The following SVIL variants were observed in gnomAD, a reference collection of about 807,000 sequenced individuals.
SVIL encodes the protein supervillin.
Under a neutral mutation model 240.4 loss-of-function variants are expected in SVIL, and 101 were observed. The ratio of observed to expected loss-of-function variants is 0.42; its 90% confidence interval spans 0.36 to 0.50. The LOEUF is 0.50. Among genes scored for constraint, SVIL ranks in the 20% least tolerant of loss-of-function variants. SVIL has a pLI of 0.01. For synonymous variants in SVIL, 999 were observed against 1,100.0 expected, an observed-to-expected ratio of 0.91 and a Z score of 1.82; for missense variants, 2,512 against 2,818.7, an observed-to-expected ratio of 0.89 and a Z score of 2.46.
At chr10:29,618,812 T>C (rs559239031) in intron 1 of SVIL, among the ~76,000 whole-genome samples, 1 of 152,180 alleles carries the variant, frequency 6.6e-6, no homozygotes, top group Admixed American at 6.5e-5. Flanking sequence ...CTCAAACTCC[T>C]GGACTCAGGG....
At chr10:29,557,220 C>G (rs527300765) in intron 3 of SVIL, among the ~76,000 whole-genome samples, 1 of 152,076 alleles carries the variant, frequency 6.6e-6, no homozygotes, top group African/African-American at 2.4e-5. Context: ...CTCAGCCTCG[C>G]GAGTAGGTGA....
At position 29,558,755 on chromosome 10, in the gene SVIL, C is replaced by T. The variant is rs559355237; in HGVS notation, c.-50-3647G>A. Among the ~76,000 whole-genome samples, 10 of 151,128 alleles carry T rather than the reference C, an allele frequency of 6.6e-5. No homozygotes were observed. In the East Asian group the frequency reaches 9.7e-4, roughly 15 times the overall value. Reference sequence around the variant, plus strand: ...TAGTGTGGCTAACATGATGAAACCCCGTCTCAACTAAAAATACAAAAAATT... The same window carrying T: ...TAGTGTGGCTAACATGATGAAACCCTGTCTCAACTAAAAATACAAAAAATT... On this transcript the variant is annotated intron_variant, in intron 3 of 37. Transcript: ENST00000355867.
At chr10:29,674,080 G>A (rs1160641311) in intron 2 of SVIL, among the ~76,000 whole-genome samples, 1 of 152,044 alleles carries the variant, frequency 6.6e-6, no homozygotes, top group Non-Finnish European at 1.5e-5. Flanking sequence ...CCTGTAATGA[G>A]AGCATTTTGG....
chr10:29,592,219 T>A (rs1240653383), intron 1 of SVIL, among the ~76,000 whole-genome samples: 3 of 152,158 alleles, frequency 2.0e-5, no homozygotes, highest in African/African-American at 7.2e-5. Context: ...GCCACTGCAC[T>A]CCAGCCTGGG....
chr10:29,518,457 T>C (rs965875857), intron 16 of SVIL, among the ~76,000 whole-genome samples: 12 of 152,178 alleles, frequency 7.9e-5, no homozygotes, highest in Admixed American at 7.2e-4. Context: ...GCATCAAACA[T>C]ATTCTAAAAA....
intron 2 of SVIL, among the ~76,000 whole-genome samples, chr10:29,674,240 G>T (rs1224712715): frequency 6.6e-6 from 1 of 152,088 alleles, no homozygotes; most frequent in Admixed American, 6.6e-5. Context: ...GAAGCCAAGT[G>T]GGGAGGATCA....
upstream of SVIL, among the ~76,000 whole-genome samples, chr10:29,736,367 C>G (rs968844265): frequency 6.6e-6 from 1 of 152,228 alleles, no homozygotes; most frequent in Non-Finnish European, 1.5e-5. Context: ...GCAGTCACGC[C>G]CCCCCGGTCC....
At chr10:29,620,178 C>A (rs1411084759) in intron 1 of SVIL, among the ~76,000 whole-genome samples, 1 of 151,710 alleles carries the variant, frequency 6.6e-6, no homozygotes, top group East Asian at 1.9e-4. Context: ...TAAAATCAGT[C>A]AAACTTACAG....
At chr10:29,550,074 A>T (rs1467941484) in intron 6 of SVIL, among the ~76,000 whole-genome samples, 2 of 150,874 alleles carry the variant, frequency 1.3e-5, no homozygotes, top group Non-Finnish European at 3.0e-5. Flanking sequence ...AAAAAAACAT[A>T]AGAAACGCAC....
At chr10:29,585,719 CAGCAGCTT>C (rs1956138390) in intron 1 of SVIL, among the ~76,000 whole-genome samples, 1 of 152,206 alleles carries the variant, frequency 6.6e-6, no homozygotes, top group Non-Finnish European at 1.5e-5. Context: ...TGTTCTCATG[CAGCAGCTT>C]ATGAGCCCTG....
chr10:29,458,236 C>T lies in SVIL; in HGVS notation c.*11G>A, dbSNP rs192792463. On this transcript the variant is annotated 3_prime_UTR_variant, in exon 38 of 38. Transcript: ENST00000355867. Reference sequence around the variant, plus strand: ...GGACGTGACCGTGAGGCTCCTCTGGCGTCTCCCCACTCAGAACAGGCCTTT... The same window carrying T: ...GGACGTGACCGTGAGGCTCCTCTGGTGTCTCCCCACTCAGAACAGGCCTTT... The T allele has an allele frequency of 1.5e-4, 247 of 1,613,820 alleles. No individual in the cohort carries two copies. The highest frequency in any genetic ancestry group is 2.0e-4 in the Non-Finnish European group (232 of 1,179,830).
chr10:29,493,584 A>G lies in SVIL; in HGVS notation c.3842-193T>C, dbSNP rs564953530. 6.4e-4 allele frequency among the ~76,000 whole-genome samples: 98 copies of G among 152,330 alleles called. 1 individual carries two copies. Among genetic ancestry groups the G allele is most frequent in the Non-Finnish European group, 1.8e-4 (12 of 68,042 alleles). ...TGACGTAAGGACTTCCCACCTGAAC[A>G]AATCTGCAGTAAAATGGGAGAGAGG... is the stretch of plus-strand genomic sequence containing the variant. On this transcript the variant is annotated intron_variant, in intron 20 of 37. Transcript: ENST00000355867.
chr10:29,681,407 G>GTT (rs1491298291), intron 2 of SVIL, among the ~76,000 whole-genome samples: 3 of 462 alleles, frequency 6.5e-3, no homozygotes, highest in Non-Finnish European at 0.029. Context: ...AGATGGAATG[G>GTT]TGTGTGTGTG....
intron 22 of SVIL, among the ~76,000 whole-genome samples, chr10:29,490,172 C>T (rs2132395341): frequency 6.6e-6 from 1 of 152,230 alleles, no homozygotes; most frequent in East Asian, 1.9e-4. Flanking sequence ...CTCCAGCCCA[C>T]ATCCCAACTC....
Position 29,480,784 on chromosome 10 carries a change from G to A in SVIL, c.5130C>T (p.Tyr1710=), listed in dbSNP as rs772444189. The change falls in exon 29 of 38, where the codon TAC becomes TAT. Residue 1710 remains tyrosine (Y), a synonymous_variant. Coordinates refer to ENST00000355867, the MANE Select transcript of SVIL (RefSeq NM_021738.3). Reference sequence around the variant, plus strand: ...GCATGGACACCATCCGTGTCACATCGTATGCCTTGACATCAGTCCTGGGGT... The same window carrying A: ...GCATGGACACCATCCGTGTCACATCATATGCCTTGACATCAGTCCTGGGGT... ...KEDPRTDVKA[Y]DVTRMVSMPQ... The A allele has an allele frequency of 1.5e-5, 24 of 1,612,050 alleles. No individual in the cohort carries two copies. The highest frequency in any genetic ancestry group is 2.2e-5 in the East Asian group (1 of 44,890).
At chr10:29,669,015 G>T (rs767614847) in intron 2 of SVIL, among the ~76,000 whole-genome samples, 60 of 152,156 alleles carry the variant, frequency 3.9e-4, no homozygotes, top group Non-Finnish European at 7.5e-4. Flanking sequence ...CTGTCTCTAT[G>T]GAGCTCACAT....
intron 12 of SVIL, 150 bp downstream of exon 12, chr10:29,529,555 C>A (rs1488000516): frequency 1.2e-6 from 1 of 855,340 alleles, no homozygotes; most frequent in Non-Finnish European, 1.6e-6. Context: ...TTAGAGAGAC[C>A]ACAGTAAACA....
intron 16 of SVIL, among the ~76,000 whole-genome samples, chr10:29,517,072 A>G (rs1950252212): frequency 6.6e-6 from 1 of 152,088 alleles, no homozygotes; most frequent in South Asian, 2.1e-4. Context: ...CAAGTTGGAG[A>G]AGTGAATGAA....
upstream of SVIL, among the ~76,000 whole-genome samples, chr10:29,636,036 C>T (rs1958298574): frequency 6.6e-6 from 1 of 151,946 alleles, no homozygotes; most frequent in Non-Finnish European, 1.5e-5. Context: ...GAAAAGATGA[C>T]AGGTATAATA....
Sources: gnomAD v4.1 joint callset for allele counts (sites outside exome capture counted in the v4.1 genomes callset) on GRCh38, gnomAD v4.1.1 for gene constraint, MANE v1.5 for transcripts, NCBI Gene and HGNC (gene_info 2026-07-23, HGNC 2026-07-21) for gene names.